Variants in SOBP observed in about 807,000 individuals in gnomAD.
SOBP encodes sine oculis binding protein homolog.
In SOBP, 4 loss-of-function variants were observed where a neutral mutation model predicts 53.6. The observed-to-expected ratio is 0.07, with a 90% CI of 0.04 to 0.17. The LOEUF is 0.17. Among genes scored for constraint, SOBP ranks in the 10% least tolerant of loss-of-function variants. The pLI is 1.00. For missense variants in SOBP, 1,088 were observed against 1,204.7 expected, an observed-to-expected ratio of 0.90 and a Z score of 1.43; for synonymous variants, 584 against 522.6, an observed-to-expected ratio of 1.12 and a Z score of -1.60.
At chr6:107,509,811 C>T (rs1406150910) in intron 3 of SOBP, 1 of 152,192 alleles carries the variant, frequency 6.6e-6, no homozygotes, top group Admixed American at 6.5e-5. Context: ...AGTAACTGAA[C>T]ACCAGTGGTT....
At chr6:107,589,360 G>A (rs1341764687) in intron 5 of SOBP, among the ~76,000 whole-genome samples, 2 of 152,142 alleles carry the variant, frequency 1.3e-5, no homozygotes, top group Non-Finnish European at 2.9e-5. Flanking sequence ...AGGTAGACGG[G>A]ACATTGCCTT....
At chr6:107,595,010 G>C (rs768349104) in intron 5 of SOBP, among the ~76,000 whole-genome samples, 5 of 152,160 alleles carry the variant, frequency 3.3e-5, no homozygotes, top group Non-Finnish European at 5.9e-5. Context: ...GGCCAGAGAA[G>C]GAGTACAGTC....
At chr6:107,492,196 G>T (rs1250985993) in intron 1 of SOBP, among the ~76,000 whole-genome samples, 1 of 152,114 alleles carries the variant, frequency 6.6e-6, no homozygotes, top group Non-Finnish European at 1.5e-5. Context: ...AAGACCGGTA[G>T]AAGTTGTTGT....
At chr6:107,656,292 AAAGAAAG>A (rs1772034040) in intron 6 of SOBP, among the ~76,000 whole-genome samples, 2 of 16,108 alleles carry the variant, frequency 1.2e-4, no homozygotes, top group African/African-American at 1.1e-3. Flanking sequence ...GAAAGAAAAG[AAAGAAAG>A]AAAGAAAGAA....
intron 5 of SOBP, among the ~76,000 whole-genome samples, chr6:107,619,670 T>C (rs1786930686): frequency 1.3e-5 from 2 of 152,192 alleles, no homozygotes; most frequent in African/African-American, 4.8e-5. Context: ...ATTTCCTTTC[T>C]ATGGAGACCC....
chr6:107,569,455 G>A (rs577431249), intron 4 of SOBP, among the ~76,000 whole-genome samples: 10 of 152,206 alleles, frequency 6.6e-5, no homozygotes, highest in South Asian at 2.1e-4. Flanking sequence ...CAGGATAAAG[G>A]GGGGTGAAAT....
chr6:107,540,359 C>G (rs577930145), intron 4 of SOBP, among the ~76,000 whole-genome samples: 1 of 152,320 alleles, frequency 6.6e-6, no homozygotes, highest in East Asian at 1.9e-4. Context: ...GCTCTTTGCT[C>G]TTTGTTTATA....
At chr6:107,568,756 T>C (rs1202927381) in intron 4 of SOBP, among the ~76,000 whole-genome samples, 1 of 152,224 alleles carries the variant, frequency 6.6e-6, no homozygotes, top group Non-Finnish European at 1.5e-5. Context: ...GTAATTCTTA[T>C]TCTGTGCCTT....
chr6:107,532,274 A>ACACACAC (rs1562594204), intron 3 of SOBP, among the ~76,000 whole-genome samples: 3 of 142,924 alleles, frequency 2.1e-5, no homozygotes, highest in Admixed American at 6.9e-5. Context: ...CACACACACC[A>ACACACAC]CACACACACA....
intron 5 of SOBP, among the ~76,000 whole-genome samples, chr6:107,603,707 T>C (rs1213795151): frequency 6.6e-6 from 1 of 152,136 alleles, no homozygotes; most frequent in East Asian, 1.9e-4. Flanking sequence ...GGCAGGCCCC[T>C]TTTCCCTGAG....
At chr6:107,614,578 G>T (rs1157250926) in intron 5 of SOBP, among the ~76,000 whole-genome samples, 1 of 152,212 alleles carries the variant, frequency 6.6e-6, no homozygotes, top group African/African-American at 2.4e-5. Context: ...TCAGAAGTCT[G>T]CTAATAAGAG....
intron 1 of SOBP, among the ~76,000 whole-genome samples, chr6:107,498,182 A>C (rs549261647): frequency 1.3e-5 from 2 of 152,300 alleles, no homozygotes; most frequent in East Asian, 3.9e-4. Context: ...TGTTTTTGGA[A>C]TAGATGACAT....
At chr6:107,504,129 C>T (rs1439668403) in intron 2 of SOBP, among the ~76,000 whole-genome samples, 2 of 152,200 alleles carry the variant, frequency 1.3e-5, no homozygotes, top group East Asian at 3.8e-4. Context: ...GATAGATCAT[C>T]ATCTGTTGGG....
At chr6:107,596,203 C>T (rs1374481729) in intron 5 of SOBP, among the ~76,000 whole-genome samples, 4 of 152,084 alleles carry the variant, frequency 2.6e-5, no homozygotes, top group Admixed American at 6.5e-5. Context: ...TCCCCCCTAA[C>T]ATTTTAATAT....
chr6:107,523,121 G>A lies in SOBP; in HGVS notation c.422-10338G>A, dbSNP rs180830654. 2.4e-3 allele frequency among the ~76,000 whole-genome samples: 366 copies of A among 152,288 alleles called. 1 individual carries two copies. The highest frequency in any genetic ancestry group is 8.2e-3 in the African/African-American group (340 of 41,550). On this transcript the variant is annotated intron_variant, in intron 3 of 6. Transcript: ENST00000317357. ...TAATTGTGTTGATTTGGGCATCGTC[G>A]TATTATGGATGATAACTGGAGTCAT...
At chr6:107,592,366 A>G (rs1303271623) in intron 5 of SOBP, among the ~76,000 whole-genome samples, 1 of 152,198 alleles carries the variant, frequency 6.6e-6, no homozygotes, top group Non-Finnish European at 1.5e-5. Flanking sequence ...TATATTAGCC[A>G]TTGCTAGAAC....
chr6:107,527,476 G>C (rs1273316896), intron 3 of SOBP, among the ~76,000 whole-genome samples: 1 of 152,186 alleles, frequency 6.6e-6, no homozygotes, highest in Admixed American at 6.5e-5. Context: ...AGAGACTGGT[G>C]CCTGGTCACT....
chr6:107,553,805 A>G (rs1295482933), intron 4 of SOBP, among the ~76,000 whole-genome samples: 1 of 152,126 alleles, frequency 6.6e-6, no homozygotes, highest in Non-Finnish European at 1.5e-5. Context: ...TACTTTTAGT[A>G]GAGACGAGGT....
chr6:107,617,597 G>A (rs1180175132), intron 5 of SOBP, among the ~76,000 whole-genome samples: 4 of 152,150 alleles, frequency 2.6e-5, no homozygotes, highest in Admixed American at 2.0e-4. Context: ...TAATACAGAA[G>A]AATGAGGTTC....
Sources: gnomAD v4.1 joint callset for allele counts (sites outside exome capture counted in the v4.1 genomes callset) on GRCh38, gnomAD v4.1.1 for gene constraint, MANE v1.5 for transcripts, NCBI Gene and HGNC (gene_info 2026-07-23, HGNC 2026-07-21) for gene names.